AHCYL2: variants seen among roughly 807,000 people sequenced by gnomAD.
AHCYL2 encodes S-adenosylhomocysteine hydrolase-like protein 2.
A neutral mutation model predicts 81.4 loss-of-function variants in AHCYL2; 28 were observed. The ratio of observed to expected loss-of-function variants is 0.34; its 90% CI spans 0.25 to 0.47. AHCYL2 has a LOEUF of 0.47. Ranked by LOEUF, AHCYL2 falls within the 20% of genes least tolerant of loss-of-function variation. AHCYL2 has a pLI of 1.00. For synonymous variants in AHCYL2, 272 were observed against 290.2 expected, an observed-to-expected ratio of 0.94 and a Z score of 0.64; for missense variants, 551 against 785.1, an observed-to-expected ratio of 0.70 and a Z score of 3.56.
intron 1 of AHCYL2, among the ~76,000 whole-genome samples, chr7:129,262,550 G>A (rs1380443566): frequency 1.3e-5 from 2 of 152,220 alleles, no homozygotes; most frequent in Non-Finnish European, 2.9e-5. Flanking sequence ...AGGAAGGAAT[G>A]CTGGTTGGTG....
chr7:129,234,292 T>C (rs1243765357), intron 1 of AHCYL2, among the ~76,000 whole-genome samples: 2 of 152,128 alleles, frequency 1.3e-5, no homozygotes. Context: ...TCACCCAGGC[T>C]GGACTGCAGT....
intron 1 of AHCYL2, among the ~76,000 whole-genome samples, chr7:129,296,751 G>A (rs1422611498): frequency 6.6e-6 from 1 of 151,982 alleles, no homozygotes; most frequent in African/African-American, 2.4e-5. Context: ...TTCCTAGAAT[G>A]GTCCATGCAG....
At chr7:129,378,619 A>G (rs1302163385) in intron 1 of AHCYL2, among the ~76,000 whole-genome samples, 1 of 152,244 alleles carries the variant, frequency 6.6e-6, no homozygotes, top group African/African-American at 2.4e-5. Flanking sequence ...TTTAAATGCA[A>G]TTTCAGAATG....
intron 1 of AHCYL2, among the ~76,000 whole-genome samples, chr7:129,281,053 T>C (rs1039490126): frequency 2.7e-4 from 41 of 151,934 alleles, no homozygotes; most frequent in Admixed American, 2.0e-3. Flanking sequence ...TTAGTAGAGA[T>C]GGGGTTTCAC....
chr7:129,333,713 A>C (rs1166877047), intron 1 of AHCYL2, among the ~76,000 whole-genome samples: 2 of 152,210 alleles, frequency 1.3e-5, no homozygotes, highest in South Asian at 2.1e-4. Context: ...AGTGCCACCC[A>C]AAACTAAATA....
chr7:129,236,579 G>A (rs781066008), intron 1 of AHCYL2, among the ~76,000 whole-genome samples: 4 of 152,088 alleles, frequency 2.6e-5, no homozygotes, highest in East Asian at 3.9e-4. Flanking sequence ...GGGCTCAAGC[G>A]ATCTGCCCGC....
At chr7:129,283,544 G>A in intron 1 of AHCYL2, 1 of 352,466 alleles carries the variant, frequency 2.8e-6, no homozygotes, top group Admixed American at 3.3e-5. Context: ...GGATATATTT[G>A]CCAAAGATGA....
At chr7:129,423,502 A>T (rs1426144025) in intron 13 of AHCYL2, among the ~76,000 whole-genome samples, 1 of 152,114 alleles carries the variant, frequency 6.6e-6, no homozygotes, top group Non-Finnish European at 1.5e-5. Context: ...ATTGGCTTCC[A>T]TGTCAGTGTT....
At chr7:129,425,811 T>G (rs1158145469) in intron 15 of AHCYL2, among the ~76,000 whole-genome samples, 1 of 152,208 alleles carries the variant, frequency 6.6e-6, no homozygotes, top group Non-Finnish European at 1.5e-5. Context: ...CATTTTCCCT[T>G]TAGTAGACAC....
intron 1 of AHCYL2, among the ~76,000 whole-genome samples, chr7:129,300,306 A>T (rs1797216214): frequency 1.3e-5 from 2 of 151,908 alleles, no homozygotes. Context: ...TACCCTTCCC[A>T]ACCTTTGGTA....
intron 1 of AHCYL2, among the ~76,000 whole-genome samples, chr7:129,358,763 AT>A (rs935624197): frequency 7.4e-4 from 112 of 151,682 alleles, no homozygotes; most frequent in South Asian, 1.5e-3. Context: ...ATTTACCACA[AT>A]TTTTTTTTAA....
intron 1 of AHCYL2, among the ~76,000 whole-genome samples, chr7:129,277,643 G>C (rs1796272563): frequency 6.6e-6 from 1 of 152,142 alleles, no homozygotes; most frequent in Non-Finnish European, 1.5e-5. Flanking sequence ...TATAATAATA[G>C]AGTCTGCATT....
chr7:129,333,382 G>A (rs1403591483), intron 1 of AHCYL2, among the ~76,000 whole-genome samples: 1 of 151,484 alleles, frequency 6.6e-6, no homozygotes, highest in Non-Finnish European at 1.5e-5. Context: ...GAGGCACTGT[G>A]CAAAGACTAC....
At chr7:129,375,678 A>G (rs914480285) in intron 1 of AHCYL2, 3 of 1,383,816 alleles carry the variant, frequency 2.2e-6, no homozygotes, top group Admixed American at 6.3e-5. Context: ...ATGCCTTATT[A>G]AATTGGGGCT....
At chr7:129,241,764 T>C (rs2150689915) in intron 1 of AHCYL2, among the ~76,000 whole-genome samples, 1 of 152,272 alleles carries the variant, frequency 6.6e-6, no homozygotes, top group African/African-American at 2.4e-5. Flanking sequence ...GGCTCACGTC[T>C]GTAATCCCTT....
chr7:129,292,050 A>G (rs1047725752), intron 1 of AHCYL2, among the ~76,000 whole-genome samples: 3 of 152,184 alleles, frequency 2.0e-5, no homozygotes, highest in African/African-American at 4.8e-5. Flanking sequence ...TTGAAGAATT[A>G]AGTTCCTATT....
intron 1 of AHCYL2, among the ~76,000 whole-genome samples, chr7:129,303,552 T>A (rs1797323730): frequency 6.6e-6 from 1 of 152,178 alleles, no homozygotes; most frequent in South Asian, 2.1e-4. Flanking sequence ...TGTTTTTTCT[T>A]AGTCTGGCTA....
intron 1 of AHCYL2, among the ~76,000 whole-genome samples, chr7:129,274,183 A>G (rs188565554): frequency 7.0e-4 from 106 of 152,226 alleles, no homozygotes; most frequent in African/African-American, 2.4e-3. Flanking sequence ...TCACATTTTG[A>G]ATGAGAGTGT....
intron 1 of AHCYL2, among the ~76,000 whole-genome samples, chr7:129,358,122 G>T (rs546886095): frequency 6.6e-6 from 1 of 150,816 alleles, no homozygotes; most frequent in Non-Finnish European, 1.5e-5. Flanking sequence ...GGCCAGGGGC[G>T]GTGGCTCACC....
Sources: gnomAD v4.1 joint callset for allele counts (sites outside exome capture counted in the v4.1 genomes callset) on GRCh38, gnomAD v4.1.1 for gene constraint, MANE v1.5 for transcripts, NCBI Gene and HGNC (gene_info 2026-07-23, HGNC 2026-07-21) for gene names.